Variants in USP18 observed in about 807,000 individuals in gnomAD.
USP18 encodes ubiquitin specific peptidase 18.
USP18 carries 11 observed loss-of-function variants against 48.7 expected under a neutral mutation model. The ratio of observed to expected loss-of-function variants is 0.23; its 90% CI spans 0.14 to 0.37. The LOEUF (loss-of-function observed/expected upper bound fraction) is 0.37. USP18 is among the 10% of genes least tolerant of loss of function. USP18 has a pLI of 1.00. For synonymous variants in USP18, 114 were observed against 163.2 expected, an observed-to-expected ratio of 0.70 and a Z score of 2.30; for missense variants, 285 against 436.4, an observed-to-expected ratio of 0.65 and a Z score of 3.09.
At chr22:18,158,532 C>G (rs1929232817) in intron 2 of USP18, among the ~76,000 whole-genome samples, 2 of 152,162 alleles carry the variant, frequency 1.3e-5, no homozygotes. Context: ...TTCTTACTGT[C>G]CTATCTTGTA....
intron 3 of USP18, among the ~76,000 whole-genome samples, chr22:18,160,538 G>A (rs1246293199): frequency 6.6e-6 from 1 of 151,882 alleles, no homozygotes; most frequent in African/African-American, 2.4e-5. Flanking sequence ...TCCTGACCTC[G>A]TGATCCACCC....
At chr22:18,160,445 A>T (rs1258540269) in intron 3 of USP18, among the ~76,000 whole-genome samples, 177 bp downstream of exon 3, 1 of 151,868 alleles carries the variant, frequency 6.6e-6, no homozygotes, top group Admixed American at 6.6e-5. Context: ...AGCTGGGACT[A>T]GCCCGCCACC....
chr22:18,171,486 A>G (rs1410239350), intron 8 of USP18, among the ~76,000 whole-genome samples: 3 of 149,024 alleles, frequency 2.0e-5, no homozygotes, highest in Non-Finnish European at 4.4e-5. Flanking sequence ...AAAAAAAATT[A>G]GCTGGGTGTG....
At chr22:18,151,027 C>T (rs1928985886) in intron 1 of USP18, among the ~76,000 whole-genome samples, 2 of 152,166 alleles carry the variant, frequency 1.3e-5, no homozygotes, top group Admixed American at 6.5e-5. Context: ...TAGGTTGTTT[C>T]CAGTTTTTAC....
rs766702472 is a variant in USP18 at position 18,167,329 on chromosome 22, C to T, written c.475C>T (p.His159Tyr). 6.2e-7 allele frequency: 1 copy of T among 1,613,840 alleles called. No individual in the cohort carries two copies. The highest frequency in any genetic ancestry group is 1.1e-5 in the South Asian group (1 of 91,056). ...NLIKDQITDV[H>Y]LVERLQALYT... ...GATTAAGGACCAGATCACTGATGTG[C>T]ACTTGGTAAGAACCTAGAACCAGAG... is the stretch of plus-strand genomic sequence containing the variant. Residue 159 changes from histidine to tyrosine, a missense_variant, in exon 5 of 11, where the codon CAC becomes TAC. By Grantham distance (83) the His-to-Tyr change is moderately conservative (BLOSUM62 2). Coordinates refer to ENST00000215794, the MANE Select transcript of USP18 (RefSeq NM_017414.4).
intron 10 of USP18, among the ~76,000 whole-genome samples, chr22:18,174,289 A>T (rs1286748572): frequency 6.7e-6 from 1 of 149,116 alleles, no homozygotes; most frequent in East Asian, 2.0e-4. Context: ...GTAGTGGCAC[A>T]ATCTTGGCTA....
At chr22:18,166,451 C>T (rs148158432) in intron 4 of USP18, among the ~76,000 whole-genome samples, 13 of 152,208 alleles carry the variant, frequency 8.5e-5, no homozygotes, top group East Asian at 1.9e-4. Flanking sequence ...AAAGGTTCTA[C>T]GATTGCTGTT....
At chr22:18,174,348 C>A (rs1163517645) in intron 10 of USP18, among the ~76,000 whole-genome samples, 1 of 152,024 alleles carries the variant, frequency 6.6e-6, no homozygotes, top group South Asian at 2.1e-4. Context: ...CTGCCTCAGC[C>A]TCCTGAGTAG....
intron 9 of USP18, 35 bp downstream of exon 9, chr22:18,173,316 G>A (rs768320601): frequency 2.4e-5 from 38 of 1,574,348 alleles, no homozygotes; most frequent in Non-Finnish European, 3.0e-5. Flanking sequence ...CTCCTGCCCT[G>A]GATTGGCCAC....
At chr22:18,150,715 C>T (rs1928973936) in intron 1 of USP18, among the ~76,000 whole-genome samples, 1 of 152,192 alleles carries the variant, frequency 6.6e-6, no homozygotes, top group East Asian at 1.9e-4. Flanking sequence ...CCTGTAATCC[C>T]AGCACTTTGG....
chr22:18,156,388 A>G (rs1397514619), intron 1 of USP18, among the ~76,000 whole-genome samples: 1 of 152,192 alleles, frequency 6.6e-6, no homozygotes, highest in Non-Finnish European at 1.5e-5. Flanking sequence ...ATGCTGTGGA[A>G]GCTTTGTTGT....
intron 3 of USP18, 78 bp from the exon 4 acceptor site, chr22:18,161,712 T>G: frequency 7.4e-7 from 1 of 1,344,744 alleles, no homozygotes; most frequent in Non-Finnish European, 9.7e-7. Flanking sequence ...GATTTAAAAT[T>G]TCTCCCAGGT....
intron 2 of USP18, among the ~76,000 whole-genome samples, chr22:18,159,672 A>ATTTTTTTTTT (rs34386839): frequency 1.3e-5 from 1 of 76,912 alleles, no homozygotes; most frequent in African/African-American, 5.5e-5. Context: ...TGATTTTTGG[A>ATTTTTTTTTT]TTTTTTTTTT....
At chr22:18,158,278 ACT>A (rs1929226812) in intron 2 of USP18, among the ~76,000 whole-genome samples, 1 of 152,062 alleles carries the variant, frequency 6.6e-6, no homozygotes, top group Non-Finnish European at 1.5e-5. Context: ...ACAGAGTGAG[ACT>A]CTGTCTCAAA....
At chr22:18,166,996 C>T (rs1929491847) in intron 4 of USP18, among the ~76,000 whole-genome samples, 1 of 152,000 alleles carries the variant, frequency 6.6e-6, no homozygotes, top group African/African-American at 2.4e-5. Flanking sequence ...ACCTTGGCCT[C>T]CCGAAGTGTT....
chr22:18,155,575 G>A (rs955345873), intron 1 of USP18, among the ~76,000 whole-genome samples: 3 of 152,206 alleles, frequency 2.0e-5, no homozygotes, highest in East Asian at 1.9e-4. Context: ...GTGGGCCAGC[G>A]CGAGTTCCGA....
intron 4 of USP18, among the ~76,000 whole-genome samples, chr22:18,162,597 T>A (rs567890598): frequency 4.7e-5 from 7 of 149,340 alleles, no homozygotes; most frequent in Admixed American, 1.3e-4. Context: ...TCCTTTGGGC[T>A]TCCTGGATGT....
intron 1 of USP18, among the ~76,000 whole-genome samples, chr22:18,152,638 T>G (rs1178269147): frequency 6.6e-6 from 1 of 151,880 alleles, no homozygotes; most frequent in Admixed American, 6.6e-5. Context: ...GCCCAGGCTG[T>G]TTTCTCTGGT....
chr22:18,175,840 A>G (rs1463251480), intron 10 of USP18, among the ~76,000 whole-genome samples: 1 of 150,276 alleles, frequency 6.7e-6, no homozygotes. Flanking sequence ...ATAGCTAGGC[A>G]TGGTGGTACA....
Sources: allele counts gnomAD v4.1 joint callset (sites outside exome capture counted in the v4.1 genomes callset), GRCh38; gene constraint gnomAD v4.1.1; transcripts MANE v1.5; gene names NCBI Gene and HGNC (gene_info 2026-07-23, HGNC 2026-07-21).